Variants in LIN28A observed in about 807,000 individuals in gnomAD.
LIN28A encodes protein lin-28 homolog A.
LIN28A carries 11 observed loss-of-function variants against 21.1 expected under a neutral mutation model. That is an observed-to-expected ratio of 0.52 (90% CI 0.33 to 0.86). LIN28A has a LOEUF of 0.86. Ranked by LOEUF, LIN28A falls within the 40% of genes least tolerant of loss-of-function variation. The pLI is 0.03. For synonymous variants in LIN28A, 111 were observed against 108.7 expected (o/e 1.02, Z -0.13); for missense variants, 219 against 279.8 (o/e 0.78, Z 1.55).
At chr1:26,412,457 G>A (rs535727461) in intron 2 of LIN28A, among the ~76,000 whole-genome samples, 1 of 152,304 alleles carries the variant, frequency 6.6e-6, no homozygotes, top group African/African-American at 2.4e-5. Context: ...CCTCCTCCCA[G>A]GCTTCCCCTT....
At chr1:26,423,998 G>A (rs549265568) in intron 2 of LIN28A, among the ~76,000 whole-genome samples, 8 of 150,198 alleles carry the variant, frequency 5.3e-5, no homozygotes, top group East Asian at 4.0e-4. Context: ...TCCTGACCTC[G>A]TGATCCCCTG....
Position 26,410,922 on chromosome 1 carries a change from G to A in LIN28A, c.31G>A (p.Gly11Ser). The A allele has an allele frequency of 1.2e-6, 2 of 1,606,120 alleles. No homozygotes were observed. The highest frequency in any genetic ancestry group is 1.7e-6 in the Non-Finnish European group (2 of 1,177,920). The change falls in exon 1 of 4, where the codon GGT (glycine) becomes AGT (serine). Residue 11 changes from glycine (G) to serine (S), a missense_variant and splice_region_variant. Gly to Ser is a moderately conservative substitution (Grantham distance 56). Transcript: ENST00000326279. MGSVSNQQFA[G>S]GCAKAAEEAP... ...CTCCGTGTCCAACCAGCAGTTTGCA[G>A]GTTCGAGCTCGGGACTTAGCGGGGA...
Position 26,428,545 on chromosome 1 carries a change from T to TAA in LIN28A, c.*2087_*2088insAA. 1 of 5,650 alleles carries TAA rather than the reference T, an allele frequency of 1.8e-4. No homozygotes were observed. Among genetic ancestry groups the TAA allele is most frequent in the Non-Finnish European group, 3.0e-4 (1 of 3,350 alleles). The allele number at this position is 5,650 out of a possible 1,614,324, so 0.3% of individuals were successfully genotyped here. On this transcript the variant is annotated 3_prime_UTR_variant, in exon 4 of 4. Transcript: ENST00000326279. ...AAGACCATTACCATTTCTTTCTTTC[T>TAA]TTTTTTTTTTTTTTTAAAATGGAGT...
chr1:26,417,251 G>A (rs1278162832), intron 2 of LIN28A, among the ~76,000 whole-genome samples: 1 of 152,214 alleles, frequency 6.6e-6, no homozygotes, highest in Non-Finnish European at 1.5e-5. Context: ...ACAGGGCCTG[G>A]CTGTGGCTGA....
intron 2 of LIN28A, among the ~76,000 whole-genome samples, chr1:26,423,817 C>T (rs1239298395): frequency 6.6e-6 from 1 of 151,862 alleles, no homozygotes; most frequent in Non-Finnish European, 1.5e-5. Flanking sequence ...GGCTGGAGTA[C>T]AGTGGCGCGA....
intron 2 of LIN28A, among the ~76,000 whole-genome samples, chr1:26,424,571 T>TTTTA (rs970706922): frequency 2.0e-5 from 3 of 150,884 alleles, no homozygotes; most frequent in African/African-American, 7.2e-5. Flanking sequence ...TTTACTTTTA[T>TTTTA]TTTATTTATT....
At position 26,427,730 on chromosome 1, in the gene LIN28A, A is replaced by T. The variant is rs1243965513; in HGVS notation, c.*1272A>T. On this transcript the variant is annotated 3_prime_UTR_variant, in exon 4 of 4. Coordinates refer to ENST00000326279, the MANE Select transcript of LIN28A (RefSeq NM_024674.6). ...AGAGTTGCTAAGGATAAGTTTAAAGACCAATACCCCTGTACTTAATCCTGT... is the reference window on the plus strand; with the variant it reads ...AGAGTTGCTAAGGATAAGTTTAAAGTCCAATACCCCTGTACTTAATCCTGT... 6.6e-6 allele frequency: 1 copy of T among 152,206 alleles called. No homozygotes were observed. Among genetic ancestry groups the T allele is most frequent in the African/African-American group, 2.4e-5 (1 of 41,416 alleles). 9.4% of individuals were successfully genotyped at this position (152,206 alleles called of 1,614,324 possible).
chr1:26,412,890 G>A (rs2074969492), intron 2 of LIN28A, among the ~76,000 whole-genome samples: 1 of 152,078 alleles, frequency 6.6e-6, no homozygotes, highest in South Asian at 2.1e-4. Flanking sequence ...TGGGGTCAGT[G>A]GGCTACTTGA....
chr1:26,426,781 T>C lies in LIN28A; in HGVS notation c.*323T>C, dbSNP rs1421248605. 3 of 307,536 alleles carry C rather than the reference T, an allele frequency of 9.8e-6. No individual in the cohort carries two copies. Among genetic ancestry groups the C allele is most frequent in the Non-Finnish European group, 1.9e-5 (3 of 159,846 alleles). The allele number at this position is 307,536 out of a possible 1,614,324, so 19.1% of individuals were successfully genotyped here. A position where few individuals can be genotyped will look rare whatever the true frequency, so the allele number is the denominator to read the frequency against. ...GCCTGGATAGGGAAGTTGTTTTCCTTTTAAAGAAGGATATATAATAATTCC... is the reference window on the plus strand; with the variant it reads ...GCCTGGATAGGGAAGTTGTTTTCCTCTTAAAGAAGGATATATAATAATTCC... On this transcript the variant is annotated 3_prime_UTR_variant, in exon 4 of 4. Coordinates refer to ENST00000326279, the MANE Select transcript of LIN28A (RefSeq NM_024674.6).
chr1:26,418,275 G>A (rs548083680), intron 2 of LIN28A, among the ~76,000 whole-genome samples: 6 of 152,184 alleles, frequency 3.9e-5, no homozygotes, highest in Admixed American at 6.5e-5. Flanking sequence ...GGGTGGGCGC[G>A]GTGGCTCACG....
At chr1:26,425,581 G>T (rs1339747015) in intron 3 of LIN28A, 94 bp downstream of exon 3, 18 of 1,190,084 alleles carry the variant, frequency 1.5e-5, no homozygotes, top group Non-Finnish European at 2.2e-5. Context: ...AAGACAAAGG[G>T]AAGCCTGTGG....
At chr1:26,412,661 G>T (rs578041440) in intron 2 of LIN28A, among the ~76,000 whole-genome samples, 1 of 152,220 alleles carries the variant, frequency 6.6e-6, no homozygotes, top group South Asian at 2.1e-4. Flanking sequence ...ACTTAAGGGA[G>T]GTTGGCTTTA....
At chr1:26,422,117 T>A (rs11247956) in intron 2 of LIN28A, among the ~76,000 whole-genome samples, 66,911 of 151,488 alleles carry the variant, frequency 0.44, 16,139 homozygotes, top group Admixed American at 0.54. Flanking sequence ...CAAGGGATCC[T>A]CCCACCTCAG....
intron 3 of LIN28A, 106 bp downstream of exon 3, chr1:26,425,593 C>A: frequency 9.2e-7 from 1 of 1,088,548 alleles, no homozygotes; most frequent in Non-Finnish European, 1.3e-6. Flanking sequence ...AGCCTGTGGT[C>A]CCTGGCAGCA....
chr1:26,420,620 T>G (rs927320110), intron 2 of LIN28A, among the ~76,000 whole-genome samples: 2 of 109,094 alleles, frequency 1.8e-5, no homozygotes, highest in Non-Finnish European at 3.9e-5. Flanking sequence ...AAAAAAAAAA[T>G]TAAGTGATAA....
intron 2 of LIN28A, among the ~76,000 whole-genome samples, chr1:26,414,208 G>A (rs948030818): frequency 2.2e-5 from 3 of 136,382 alleles, no homozygotes; most frequent in Non-Finnish European, 5.0e-5. Context: ...GTTTACTGGG[G>A]GAGGAGGAAA....
intron 2 of LIN28A, among the ~76,000 whole-genome samples, chr1:26,414,516 G>GT (rs1333482712): frequency 2.6e-5 from 4 of 152,162 alleles, no homozygotes; most frequent in Non-Finnish European, 5.9e-5. Flanking sequence ...GAGTAGATGA[G>GT]TGGGGGGAAA....
At chr1:26,419,742 C>A (rs2075017679) in intron 2 of LIN28A, among the ~76,000 whole-genome samples, 1 of 152,106 alleles carries the variant, frequency 6.6e-6, no homozygotes, top group African/African-American at 2.4e-5. Flanking sequence ...AGGGAACAGG[C>A]CATCAGACTC....
At chr1:26,419,767 CTTAACTAT>C (rs2075017811) in intron 2 of LIN28A, among the ~76,000 whole-genome samples, 1 of 152,118 alleles carries the variant, frequency 6.6e-6, no homozygotes, top group African/African-American at 2.4e-5. Flanking sequence ...AACCCTTGTT[CTTAACTAT>C]TTACCTGCTG....
Sources: gnomAD v4.1 joint callset for allele counts (sites outside exome capture counted in the v4.1 genomes callset) on GRCh38, gnomAD v4.1.1 for gene constraint, MANE v1.5 for transcripts, NCBI Gene and HGNC (gene_info 2026-07-23, HGNC 2026-07-21) for gene names.